LRMDA: variants seen among roughly 807,000 people sequenced by gnomAD.
LRMDA encodes the protein leucine rich melanocyte differentiation associated.
Under a neutral mutation model 29.8 loss-of-function variants are expected in LRMDA, and 18 were observed. The observed-to-expected ratio is 0.60, with a 90% CI of 0.42 to 0.90. The LOEUF is 0.90. Ranked by LOEUF, LRMDA falls within the 40% of genes least tolerant of loss-of-function variation. LRMDA has a pLI of 0.00. For missense variants in LRMDA, 273 were observed against 273.9 expected (o/e 1.00, Z 0.02); for synonymous variants, 125 against 109.4 (o/e 1.14, Z -0.89).
chr10:76,196,497 C>T (rs1851333048), intron 5 of LRMDA, among the ~76,000 whole-genome samples: 1 of 152,206 alleles, frequency 6.6e-6, no homozygotes. Flanking sequence ...TCCAAATCTG[C>T]TCCTTCTGCA....
intron 2 of LRMDA, among the ~76,000 whole-genome samples, chr10:75,711,848 A>T (rs1326418857): frequency 6.6e-6 from 1 of 152,134 alleles, no homozygotes; most frequent in African/African-American, 2.4e-5. Flanking sequence ...AATGTTTTGC[A>T]AATGATCTTT....
intron 2 of LRMDA, among the ~76,000 whole-genome samples, chr10:75,640,502 A>G (rs1009575018): frequency 1.3e-5 from 2 of 152,224 alleles, no homozygotes; most frequent in Non-Finnish European, 2.9e-5. Flanking sequence ...TAGATCTGAA[A>G]TTCTCTTGCT....
At chr10:76,554,612 C>CTTTTT (rs1420965823) in intron 6 of LRMDA, among the ~76,000 whole-genome samples, 32 of 152,106 alleles carry the variant, frequency 2.1e-4, no homozygotes, top group Non-Finnish European at 3.5e-4. Flanking sequence ...CTTCCAGGCC[C>CTTTTT]AAAGAAACAG....
At chr10:76,185,903 T>C (rs1851140317) in intron 5 of LRMDA, among the ~76,000 whole-genome samples, 3 of 152,240 alleles carry the variant, frequency 2.0e-5, no homozygotes, top group African/African-American at 4.8e-5. Flanking sequence ...TTCTGTTTAA[T>C]ATAACTTTGT....
At chr10:75,885,483 G>C (rs1405766019) in intron 2 of LRMDA, among the ~76,000 whole-genome samples, 3 of 152,204 alleles carry the variant, frequency 2.0e-5, no homozygotes, top group African/African-American at 7.2e-5. Context: ...GACATGTTCT[G>C]TAACTAAGGA....
chr10:75,873,863 C>T (rs1246891872), intron 2 of LRMDA, among the ~76,000 whole-genome samples: 1 of 152,158 alleles, frequency 6.6e-6, no homozygotes, highest in Non-Finnish European at 1.5e-5. Context: ...GCTTTCCTGT[C>T]ACTGTATAGT....
intron 2 of LRMDA, among the ~76,000 whole-genome samples, chr10:75,798,643 G>T (rs1466870553): frequency 6.6e-6 from 1 of 151,980 alleles, no homozygotes; most frequent in African/African-American, 2.4e-5. Flanking sequence ...TGCATCCATG[G>T]ATTATGCTAT....
At position 76,190,001 on chromosome 10, in the gene LRMDA, C is replaced by T. The variant is rs186312793; in HGVS notation, c.516+131218C>T. Among the ~76,000 whole-genome samples, 177 of 152,312 alleles carry T rather than the reference C, an allele frequency of 1.2e-3. 1 individual carries two copies. Among genetic ancestry groups the T allele is most frequent in the African/African-American group, 3.8e-3 (158 of 41,576 alleles). ...TGGGTTCCTCCTTGGTAGCCAGCTC[C>T]AACAGGTACTGTGGGACTTGTTTCT... On this transcript the variant is annotated intron_variant, in intron 5 of 6. Transcript: ENST00000611255.
At chr10:76,237,667 C>G (rs2132279868) in intron 5 of LRMDA, among the ~76,000 whole-genome samples, 1 of 152,092 alleles carries the variant, frequency 6.6e-6, no homozygotes, top group South Asian at 2.1e-4. Flanking sequence ...GTTGGCAATT[C>G]CTGCTTTCAG....
chr10:75,952,496 A>ACT (rs980083372), intron 2 of LRMDA, among the ~76,000 whole-genome samples: 12 of 150,968 alleles, frequency 7.9e-5, no homozygotes, highest in South Asian at 6.3e-4. Flanking sequence ...GTTCTCTCCC[A>ACT]CTCTCTCTCT....
At chr10:75,728,516 T>C (rs1439457251) in intron 2 of LRMDA, among the ~76,000 whole-genome samples, 1 of 150,150 alleles carries the variant, frequency 6.7e-6, no homozygotes. Flanking sequence ...GAAAACGTGG[T>C]CCACATCCTC....
At chr10:76,007,307 C>T (rs917135489) in intron 2 of LRMDA, among the ~76,000 whole-genome samples, 3 of 151,960 alleles carry the variant, frequency 2.0e-5, no homozygotes, top group Admixed American at 2.0e-4. Context: ...TCTTGCTCCC[C>T]CTCTGACGAA....
intron 2 of LRMDA, among the ~76,000 whole-genome samples, chr10:75,797,684 G>C (rs1483498852): frequency 6.6e-6 from 1 of 152,120 alleles, no homozygotes; most frequent in Non-Finnish European, 1.5e-5. Flanking sequence ...TTAGCATAAT[G>C]GTTTTGAGAT....
chr10:76,057,634 T>A (rs1455170257), intron 4 of LRMDA, among the ~76,000 whole-genome samples: 3 of 152,126 alleles, frequency 2.0e-5, no homozygotes, highest in Non-Finnish European at 2.9e-5. Flanking sequence ...TCACAGGAGA[T>A]GAGGCTTGAA....
intron 2 of LRMDA, among the ~76,000 whole-genome samples, chr10:75,675,521 A>G (rs574571524): frequency 6.6e-5 from 10 of 152,318 alleles, no homozygotes; most frequent in African/African-American, 2.2e-4. Context: ...AATAGCTGAT[A>G]AGAGTCTTAC....
At chr10:75,681,772 A>T (rs1199950727) in intron 2 of LRMDA, among the ~76,000 whole-genome samples, 1 of 152,208 alleles carries the variant, frequency 6.6e-6, no homozygotes, top group African/African-American at 2.4e-5. Flanking sequence ...GAAACGAGTG[A>T]CTGTTTGCTG....
At chr10:75,947,531 G>A (rs1846497871) in intron 2 of LRMDA, among the ~76,000 whole-genome samples, 1 of 152,204 alleles carries the variant, frequency 6.6e-6, no homozygotes, top group Admixed American at 6.5e-5. Flanking sequence ...TAGAAGGGAA[G>A]GGGAGGGACC....
At chr10:75,586,344 CTTTTTTTTTT>C (rs748097971) in intron 2 of LRMDA, among the ~76,000 whole-genome samples, 4 of 29,020 alleles carry the variant, frequency 1.4e-4, no homozygotes, top group African/African-American at 4.1e-4. Context: ...ACCAACACGT[CTTTTTTTTTT>C]TTTTTTTTTT....
intron 2 of LRMDA, among the ~76,000 whole-genome samples, chr10:75,528,726 G>A (rs1424209977): frequency 6.6e-6 from 1 of 152,082 alleles, no homozygotes; most frequent in Non-Finnish European, 1.5e-5. Context: ...GAAACCTCTA[G>A]CATGAATGAC....
Sources: gnomAD v4.1 joint callset for allele counts (sites outside exome capture counted in the v4.1 genomes callset) on GRCh38, gnomAD v4.1.1 for gene constraint, MANE v1.5 for transcripts, NCBI Gene and HGNC (gene_info 2026-07-23, HGNC 2026-07-21) for gene names.